KAZN: variants seen among roughly 807,000 people sequenced by gnomAD.
KAZN encodes kazrin.
KAZN carries 40 observed loss-of-function variants against 87.4 expected under a neutral mutation model. The ratio of observed to expected loss-of-function variants is 0.46; its 90% CI spans 0.36 to 0.60. The LOEUF (loss-of-function observed/expected upper bound fraction) is 0.60, where lower values mean the gene tolerates loss of function less well. KAZN is among the 20% of genes least tolerant of loss of function. The probability of loss-of-function intolerance (pLI) is 0.00; values close to 1 mark genes in which losing one functional copy is unlikely to be tolerated. For missense variants in KAZN, 898 were observed against 1,073.9 expected, an observed-to-expected ratio of 0.84 and a Z score of 2.29; for synonymous variants, 466 against 458.3, an observed-to-expected ratio of 1.02 and a Z score of -0.22.
At chr1:15,109,286 G>A (rs10927677) in intron 13 of KAZN, among the ~76,000 whole-genome samples, 34,438 of 151,934 alleles carry the variant, frequency 0.23, 3,885 homozygotes, top group South Asian at 0.34. Flanking sequence ...TTGTGAGGCT[G>A]AGGTGGGAGG....
chr1:14,306,772 G>T lies in KAZN; in HGVS notation c.249+126180G>T, dbSNP rs547718090. Reference sequence around the variant, plus strand: ...AGCTCTGCCCAGACAGGGCCTAGAAGTTGCCAAATTTAGCTCCAAACCAGC... The same window carrying T: ...AGCTCTGCCCAGACAGGGCCTAGAATTTGCCAAATTTAGCTCCAAACCAGC... On this transcript the variant is annotated intron_variant, in intron 2 of 16. Coordinates refer to the KAZN transcript ENST00000636203. Among the ~76,000 whole-genome samples the T allele has an allele frequency of 2.6e-5, 4 of 152,244 alleles. No individual in the cohort carries two copies. In the East Asian group the frequency reaches 5.8e-4, roughly 22 times the overall value.
intron 1 of KAZN, among the ~76,000 whole-genome samples, chr1:14,033,113 C>T (rs970293707): frequency 6.6e-6 from 1 of 152,186 alleles, no homozygotes; most frequent in Non-Finnish European, 1.5e-5. Context: ...ACAGAAGATG[C>T]CACATTGTTT....
At chr1:14,955,304 T>C (rs1207349264) in intron 1 of KAZN, among the ~76,000 whole-genome samples, 2 of 152,240 alleles carry the variant, frequency 1.3e-5, no homozygotes, top group Non-Finnish European at 2.9e-5. Flanking sequence ...GCATGTCTTA[T>C]TTATTCCCAT....
intron 2 of KAZN, among the ~76,000 whole-genome samples, chr1:14,987,025 C>T (rs1480130712): frequency 6.6e-6 from 1 of 152,170 alleles, no homozygotes. Flanking sequence ...GGTATCGAGT[C>T]CTGGTGGGCA....
chr1:14,267,634 A>T (rs1214680205), intron 2 of KAZN, among the ~76,000 whole-genome samples: 1 of 141,202 alleles, frequency 7.1e-6, no homozygotes, highest in Non-Finnish European at 1.5e-5. Flanking sequence ...ATAATATAAC[A>T]TATATGTAAC....
Position 14,738,988 on chromosome 1 carries a change from C to A in KAZN, c.226+139765C>A, listed in dbSNP as rs143541968. Among the ~76,000 whole-genome samples, 160 of 152,178 alleles carry A rather than the reference C, an allele frequency of 1.1e-3. 1 individual carries two copies. Among genetic ancestry groups the A allele is most frequent in the Admixed American group, 9.4e-3 (143 of 15,286 alleles). On this transcript the variant is annotated intron_variant, in intron 1 of 14. Coordinates refer to ENST00000376030, the MANE Select transcript of KAZN (RefSeq NM_201628.3). ...ATGGATTCAAGACCAACCTGGGCAA[C>A]CTAGTGAAACCTCATCTCTATTAAA...
chr1:15,013,765 A>AAG (rs1553172872), intron 2 of KAZN, among the ~76,000 whole-genome samples: 2 of 150,392 alleles, frequency 1.3e-5, no homozygotes, highest in African/African-American at 2.5e-5. Context: ...AAAAAAAAAA[A>AAG]AGAGAGAGAT....
chr1:14,926,040 C>G lies in KAZN; in HGVS notation c.227-34644C>G, dbSNP rs140398511. On this transcript the variant is annotated intron_variant, in intron 1 of 14. Coordinates refer to ENST00000376030, the MANE Select transcript of KAZN (RefSeq NM_201628.3). ...TCCAAAGATGGTGTCTGTAAAACACCTTGCCTCATTCACCATAAATGCTTA... is the reference window on the plus strand; with the variant it reads ...TCCAAAGATGGTGTCTGTAAAACACGTTGCCTCATTCACCATAAATGCTTA... Among the ~76,000 whole-genome samples, 310 of 152,260 alleles carry G rather than the reference C, an allele frequency of 2.0e-3. 1 individual carries two copies. The highest frequency in any genetic ancestry group is 3.3e-3 in the Non-Finnish European group (226 of 68,020).
intron 1 of KAZN, among the ~76,000 whole-genome samples, chr1:14,159,321 GAC>G (rs1277409881): frequency 6.6e-6 from 1 of 152,178 alleles, no homozygotes; most frequent in Non-Finnish European, 1.5e-5. Context: ...TGAACCACAA[GAC>G]ACAGTCCTTC....
intron 1 of KAZN, among the ~76,000 whole-genome samples, chr1:14,835,714 GC>G (rs1409569121): frequency 7.9e-5 from 12 of 152,148 alleles, no homozygotes; most frequent in African/African-American, 2.7e-4. Context: ...TGCTTCCAGG[GC>G]CCCTTTTGTC....
intron 2 of KAZN, among the ~76,000 whole-genome samples, chr1:14,268,080 A>G (rs77392069): frequency 0.041 from 6,292 of 152,330 alleles, 156 homozygotes; most frequent in Middle Eastern, 0.075. Context: ...CCTCTGTGTG[A>G]GGTACTGCAA....
intron 2 of KAZN, among the ~76,000 whole-genome samples, chr1:15,001,959 C>T (rs895381777): frequency 7.0e-6 from 1 of 143,046 alleles, no homozygotes; most frequent in Non-Finnish European, 1.5e-5. Flanking sequence ...CGGCTCACTG[C>T]AAGCTCCGCC....
chr1:13,933,044 A>G (rs1206671456), intron 1 of KAZN, among the ~76,000 whole-genome samples: 1 of 152,190 alleles, frequency 6.6e-6, no homozygotes, highest in Non-Finnish European at 1.5e-5. Context: ...CTAACATTCC[A>G]ATGGTATATT....
Position 14,411,968 on chromosome 1 carries a change from G to A in KAZN, c.250-187015G>A, listed in dbSNP as rs78707419. 5.0e-3 allele frequency among the ~76,000 whole-genome samples: 763 copies of A among 152,304 alleles called. 5 individuals carry two copies. Among genetic ancestry groups the A allele is most frequent in the Non-Finnish European group, 7.9e-3 (535 of 68,030 alleles). ...ATGACAGACTGTCATTCTGGTCATT[G>A]CCCCCTGTACTTCTTCTGGTTGCTT... is the stretch of plus-strand genomic sequence containing the variant. On this transcript the variant is annotated intron_variant, in intron 2 of 16. Coordinates refer to the KAZN transcript ENST00000636203.
intron 2 of KAZN, among the ~76,000 whole-genome samples, chr1:14,372,635 C>T (rs1244907572): frequency 2.0e-5 from 3 of 152,166 alleles, no homozygotes; most frequent in Non-Finnish European, 2.9e-5. Context: ...TCTAAAATAA[C>T]GGGAATATTC....
At chr1:14,440,662 T>C (rs1480995605) in intron 2 of KAZN, among the ~76,000 whole-genome samples, 1 of 152,172 alleles carries the variant, frequency 6.6e-6, no homozygotes, top group Non-Finnish European at 1.5e-5. Context: ...ATAAGGCCCC[T>C]TGTTCAAACA....
At position 14,084,913 on chromosome 1, in the gene KAZN, C is replaced by T. The variant is rs535037937; in HGVS notation, c.92-95522C>T. Among the ~76,000 whole-genome samples the T allele has an allele frequency of 1.4e-4, 22 of 151,956 alleles. No individual in the cohort carries two copies. The South Asian group carries it at 4.2e-3, about 29-fold the overall frequency. ...GTACGTGTGTGTGTATATGTGTGTG[C>T]ATATATATGTGTGTGTGTACATTCA... On this transcript the variant is annotated intron_variant, in intron 1 of 16. Coordinates refer to the KAZN transcript ENST00000636203.
intron 1 of KAZN, among the ~76,000 whole-genome samples, chr1:13,958,577 A>G (rs1377523750): frequency 6.6e-6 from 1 of 151,452 alleles, no homozygotes; most frequent in African/African-American, 2.4e-5. Context: ...CCATCTCAAA[A>G]AAAAAAAAAA....
intron 2 of KAZN, among the ~76,000 whole-genome samples, chr1:15,022,516 G>C (rs941554076): frequency 5.3e-5 from 8 of 152,212 alleles, no homozygotes; most frequent in African/African-American, 1.9e-4. Context: ...TCTGTCTGTA[G>C]AGCCTGGTCC....
Sources: gnomAD v4.1 joint callset for allele counts (sites outside exome capture counted in the v4.1 genomes callset) on GRCh38, gnomAD v4.1.1 for gene constraint, MANE v1.5 for transcripts, NCBI Gene and HGNC (gene_info 2026-07-23, HGNC 2026-07-21) for gene names.